PABPC4L: variants seen among roughly 807,000 people sequenced by gnomAD.
PABPC4L encodes the protein poly(A) binding protein cytoplasmic 4 like.
For missense variants in PABPC4L, 452 were observed against 451.4 expected, an observed-to-expected ratio of 1.00 and a Z score of -0.01; for synonymous variants, 169 against 164.1, an observed-to-expected ratio of 1.03 and a Z score of -0.23.
downstream of PABPC4L, among the ~76,000 whole-genome samples, chr4:134,194,241 C>T (rs541231944): frequency 3.3e-5 from 5 of 151,784 alleles, no homozygotes; most frequent in African/African-American, 1.2e-4. Flanking sequence ...AAAGACTGTG[C>T]TTGAAAATAG....
At chr4:134,084,280 C>T in the PABPC4L span, among the ~76,000 whole-genome samples, 1 of 152,098 alleles carries the variant, frequency 6.6e-6, no homozygotes, top group African/African-American at 2.4e-5. Flanking sequence ...CTCCTGGCTT[C>T]AAGCAATCCT....
At chr4:134,087,638 A>C in the PABPC4L span, among the ~76,000 whole-genome samples, 1 of 152,276 alleles carries the variant, frequency 6.6e-6, no homozygotes, top group Admixed American at 6.5e-5. Context: ...ATATAGCTGC[A>C]TTCCAAGCTC....
the PABPC4L span, among the ~76,000 whole-genome samples, chr4:134,171,646 T>C: frequency 6.6e-6 from 1 of 152,058 alleles, no homozygotes; most frequent in African/African-American, 2.4e-5. Flanking sequence ...TCCTATTCAA[T>C]ACAGTACTAT....
the PABPC4L span, among the ~76,000 whole-genome samples, chr4:134,034,011 AGAG>A: frequency 1.3e-5 from 2 of 151,946 alleles, no homozygotes; most frequent in South Asian, 4.1e-4. Flanking sequence ...TCATAGCGGG[AGAG>A]GAGAAGTCAA....
At chr4:134,077,216 A>G in the PABPC4L span, among the ~76,000 whole-genome samples, 198 of 152,254 alleles carry the variant, frequency 1.3e-3, no homozygotes, top group Non-Finnish European at 2.4e-3. Flanking sequence ...AAACTTCTGT[A>G]CAGCTATGTA....
chr4:134,049,722 G>A, the PABPC4L span, among the ~76,000 whole-genome samples: 1 of 152,106 alleles, frequency 6.6e-6, no homozygotes. Flanking sequence ...ATTCTGTTTA[G>A]GATATTTGAA....
At chr4:134,026,240 G>A in the PABPC4L span, among the ~76,000 whole-genome samples, 47 of 138,158 alleles carry the variant, frequency 3.4e-4, no homozygotes, top group African/African-American at 1.2e-3. Context: ...TAATTTTTGC[G>A]ATTTTTTTTT....
At chr4:134,178,603 C>T in the PABPC4L span, among the ~76,000 whole-genome samples, 326 of 152,156 alleles carry the variant, frequency 2.1e-3, 2 homozygotes, top group Admixed American at 6.4e-3. Context: ...AAATCATCAA[C>T]TTACAGGAGA....
chr4:134,057,232 C>A, the PABPC4L span, among the ~76,000 whole-genome samples: 1 of 152,014 alleles, frequency 6.6e-6, no homozygotes, highest in Non-Finnish European at 1.5e-5. Flanking sequence ...GTCAGAGAAG[C>A]CTCTGAGCCT....
At chr4:134,087,525 G>T in the PABPC4L span, among the ~76,000 whole-genome samples, 6 of 152,122 alleles carry the variant, frequency 3.9e-5, no homozygotes, top group East Asian at 1.9e-4. Flanking sequence ...ACAGGGTAAA[G>T]CTGCCCGCCT....
chr4:134,170,530 G>A, the PABPC4L span, among the ~76,000 whole-genome samples: 1 of 152,070 alleles, frequency 6.6e-6, no homozygotes, highest in Admixed American at 6.6e-5. Context: ...GTTCTGGTGT[G>A]ATCTCAGGAA....
At chr4:133,999,777 G>A in the PABPC4L span, among the ~76,000 whole-genome samples, 5 of 152,112 alleles carry the variant, frequency 3.3e-5, no homozygotes, top group East Asian at 7.7e-4. Context: ...TGAGGAGAGA[G>A]AGTTCAATTT....
the PABPC4L span, among the ~76,000 whole-genome samples, chr4:134,160,398 G>A: frequency 2.0e-5 from 3 of 152,240 alleles, no homozygotes; most frequent in Admixed American, 2.0e-4. Flanking sequence ...GAGCCACAGT[G>A]TTCCTATGCT....
At chr4:134,029,085 T>C in the PABPC4L span, among the ~76,000 whole-genome samples, 4 of 152,168 alleles carry the variant, frequency 2.6e-5, no homozygotes, top group Non-Finnish European at 4.4e-5. Flanking sequence ...TTTTTATAAG[T>C]ATATTCAGAT....
At chr4:134,035,180 G>A in the PABPC4L span, among the ~76,000 whole-genome samples, 2 of 152,058 alleles carry the variant, frequency 1.3e-5, no homozygotes, top group South Asian at 4.1e-4. Context: ...TTTAATTAAT[G>A]TATGTAACTT....
At chr4:134,133,242 CATA>C in the PABPC4L span, among the ~76,000 whole-genome samples, 30 of 134,374 alleles carry the variant, frequency 2.2e-4, no homozygotes, top group East Asian at 1.5e-3. Flanking sequence ...TTTAATATTA[CATA>C]ATATTATATA....
chr4:134,073,496 ATGTG>A, the PABPC4L span, among the ~76,000 whole-genome samples: 1 of 152,030 alleles, frequency 6.6e-6, no homozygotes, highest in African/African-American at 2.4e-5. Context: ...AGGCTTTTCC[ATGTG>A]CACAGTGCAA....
At chr4:134,177,402 T>C in the PABPC4L span, among the ~76,000 whole-genome samples, 63 of 152,026 alleles carry the variant, frequency 4.1e-4, no homozygotes, top group Admixed American at 7.2e-4. Context: ...TCTTGATCTC[T>C]TGAACTTGCG....
the PABPC4L span, among the ~76,000 whole-genome samples, chr4:134,151,713 C>T: frequency 1.3e-5 from 2 of 151,820 alleles, no homozygotes; most frequent in African/African-American, 4.8e-5. Flanking sequence ...AGTGGGGACA[C>T]ATCAAAGTTG....
Sources: allele counts gnomAD v4.1 joint callset (sites outside exome capture counted in the v4.1 genomes callset), GRCh38; gene constraint gnomAD v4.1.1; transcripts MANE v1.5; gene names NCBI Gene and HGNC (gene_info 2026-07-23, HGNC 2026-07-21).